IMMP2L: variants seen among roughly 807,000 people sequenced by gnomAD.
The protein encoded by IMMP2L is mitochondrial inner membrane protease subunit 2.
A neutral mutation model predicts 19.3 loss-of-function variants in IMMP2L; 18 were observed. The observed-to-expected ratio is 0.93, with a 90% CI of 0.64 to 1.38. The LOEUF (loss-of-function observed/expected upper bound fraction) is 1.38, where lower values mean the gene tolerates loss of function less well. IMMP2L is among the 40% of genes most tolerant of loss of function. The probability of loss-of-function intolerance (pLI) is 0.00; values close to 1 mark genes in which losing one functional copy is unlikely to be tolerated. For synonymous variants in IMMP2L, 76 were observed against 73.0 expected (o/e 1.04, Z -0.21); for missense variants, 233 against 218.2 (o/e 1.07, Z -0.43).
At chr7:111,113,003 T>G (rs944149110) in intron 3 of IMMP2L, among the ~76,000 whole-genome samples, 1 of 152,202 alleles carries the variant, frequency 6.6e-6, no homozygotes, top group Non-Finnish European at 1.5e-5. Flanking sequence ...ACACTGATAT[T>G]AGTGTTGTTT....
intron 3 of IMMP2L, among the ~76,000 whole-genome samples, chr7:111,302,614 G>T (rs1477745741): frequency 6.6e-6 from 1 of 152,016 alleles, no homozygotes; most frequent in African/African-American, 2.4e-5. Context: ...GCACGGAGAG[G>T]TTAAATAACC....
At chr7:111,211,916 G>A (rs1811359731) in intron 3 of IMMP2L, among the ~76,000 whole-genome samples, 2 of 152,154 alleles carry the variant, frequency 1.3e-5, no homozygotes, top group Non-Finnish European at 2.9e-5. Context: ...AGAATGGCAT[G>A]AACCCAGGAG....
At chr7:111,280,866 G>T (rs576166112) in intron 3 of IMMP2L, among the ~76,000 whole-genome samples, 1 of 151,892 alleles carries the variant, frequency 6.6e-6, no homozygotes, top group African/African-American at 2.4e-5. Context: ...TCAGGAGATC[G>T]AGACCATCCT....
At chr7:111,062,618 C>T (rs944658245) in intron 3 of IMMP2L, among the ~76,000 whole-genome samples, 2 of 152,188 alleles carry the variant, frequency 1.3e-5, no homozygotes, top group Non-Finnish European at 2.9e-5. Flanking sequence ...GCCTATGAGC[C>T]TGTAAAATCA....
chr7:110,932,468 C>T (rs1376609921), intron 4 of IMMP2L, among the ~76,000 whole-genome samples: 2 of 152,110 alleles, frequency 1.3e-5, no homozygotes, highest in Non-Finnish European at 2.9e-5. Context: ...ATTCTCCTGC[C>T]TCAGCCTCCT....
chr7:110,665,342 C>T (rs867414614), intron 5 of IMMP2L, among the ~76,000 whole-genome samples: 3 of 152,118 alleles, frequency 2.0e-5, no homozygotes, highest in Non-Finnish European at 4.4e-5. Flanking sequence ...TGACATCATG[C>T]TAAATTTATC....
At chr7:110,860,333 A>G (rs1376095989) in intron 5 of IMMP2L, among the ~76,000 whole-genome samples, 1 of 152,138 alleles carries the variant, frequency 6.6e-6, no homozygotes, top group African/African-American at 2.4e-5. Flanking sequence ...CATAGAAAAT[A>G]TTACCTCCTA....
chr7:111,187,740 C>T (rs1033172998), intron 3 of IMMP2L, among the ~76,000 whole-genome samples: 1 of 152,122 alleles, frequency 6.6e-6, no homozygotes, highest in Non-Finnish European at 1.5e-5. Flanking sequence ...TCAACTAATT[C>T]TCTAGACAAA....
At chr7:110,794,966 G>A (rs550523182) in intron 5 of IMMP2L, among the ~76,000 whole-genome samples, 17 of 152,132 alleles carry the variant, frequency 1.1e-4, no homozygotes, top group Admixed American at 3.9e-4. Flanking sequence ...ATTGGGCCTG[G>A]TCCAGTCTTT....
intron 3 of IMMP2L, among the ~76,000 whole-genome samples, chr7:111,103,994 C>T (rs922029243): frequency 1.3e-5 from 2 of 151,500 alleles, no homozygotes; most frequent in African/African-American, 2.4e-5. Context: ...AAATGTGGAA[C>T]AAAATGGGAA....
intron 2 of IMMP2L, among the ~76,000 whole-genome samples, chr7:111,513,464 T>C (rs575699947): frequency 2.6e-5 from 4 of 152,210 alleles, no homozygotes; most frequent in African/African-American, 9.6e-5. Flanking sequence ...AGATAAATGT[T>C]GGTGAGAATA....
chr7:111,083,338 T>C (rs1455573980), intron 3 of IMMP2L, among the ~76,000 whole-genome samples: 1 of 152,200 alleles, frequency 6.6e-6, no homozygotes, highest in Non-Finnish European at 1.5e-5. Flanking sequence ...GATTTATAGA[T>C]ACCTTCACAC....
chr7:111,386,469 C>T (rs1325601374), intron 3 of IMMP2L, among the ~76,000 whole-genome samples: 1 of 151,968 alleles, frequency 6.6e-6, no homozygotes, highest in South Asian at 2.1e-4. Flanking sequence ...CCCTATGTAA[C>T]CCCCATTTGA....
intron 3 of IMMP2L, among the ~76,000 whole-genome samples, chr7:111,007,810 A>G (rs117874374): frequency 0.02 from 3,039 of 152,124 alleles, 51 homozygotes; most frequent in South Asian, 0.044. Context: ...CCTACCTGTT[A>G]TCTCCACTTG....
intron 1 of IMMP2L, among the ~76,000 whole-genome samples, chr7:111,554,297 T>C (rs1489906744): frequency 1.3e-5 from 2 of 152,120 alleles, no homozygotes; most frequent in Non-Finnish European, 2.9e-5. Context: ...CGTCTATATG[T>C]AAACTGAAAC....
intron 5 of IMMP2L, among the ~76,000 whole-genome samples, chr7:110,665,616 C>A (rs149941775): frequency 8.8e-4 from 134 of 152,286 alleles, no homozygotes; most frequent in African/African-American, 3.0e-3. Flanking sequence ...GGAGTCCCAG[C>A]AAGCTGCCTT....
At chr7:111,059,392 A>G (rs921278093) in intron 3 of IMMP2L, among the ~76,000 whole-genome samples, 1 of 152,210 alleles carries the variant, frequency 6.6e-6, no homozygotes, top group African/African-American at 2.4e-5. Flanking sequence ...TAACTTCTCT[A>G]TCCACATATA....
At chr7:110,930,507 A>G (rs183076010) in intron 4 of IMMP2L, among the ~76,000 whole-genome samples, 1 of 152,278 alleles carries the variant, frequency 6.6e-6, no homozygotes, top group Admixed American at 6.5e-5. Context: ...TATAATAGCT[A>G]TATAGGTAGG....
chr7:111,242,696 G>C (rs1040287511), intron 3 of IMMP2L, among the ~76,000 whole-genome samples: 9 of 151,812 alleles, frequency 5.9e-5, no homozygotes, highest in Non-Finnish European at 1.0e-4. Flanking sequence ...GGACATCTCA[G>C]ATGACCACTC....
Sources: allele counts gnomAD v4.1 joint callset (sites outside exome capture counted in the v4.1 genomes callset), GRCh38; gene constraint gnomAD v4.1.1; transcripts MANE v1.5; gene names NCBI Gene and HGNC (gene_info 2026-07-23, HGNC 2026-07-21).